PCDHA10: variants seen among roughly 807,000 people sequenced by gnomAD.
The protein encoded by PCDHA10 is protocadherin alpha 10.
In PCDHA10, 45 loss-of-function variants were observed where a neutral mutation model predicts 61.2. The ratio of observed to expected loss-of-function variants is 0.74; its 90% CI spans 0.58 to 0.94. PCDHA10 has a LOEUF of 0.94. PCDHA10 is among the 40% of genes least tolerant of loss of function. PCDHA10 has a pLI of 0.00. For missense variants in PCDHA10, 1,278 were observed against 1,236.2 expected (o/e 1.03, Z -0.51); for synonymous variants, 602 against 548.8 (o/e 1.10, Z -1.35).
intron 3 of PCDHA10, among the ~76,000 whole-genome samples, chr5:140,992,716 G>A (rs1554253146): frequency 6.6e-6 from 1 of 152,160 alleles, no homozygotes; most frequent in African/African-American, 2.4e-5. Flanking sequence ...GCCAGTATTC[G>A]TAAATCCCAC....
At position 140,927,438 on chromosome 5, in the gene PCDHA10, C is replaced by A. The variant is rs1446762816; in HGVS notation, c.2389-51511C>A. ...GATCGCGGGTTGACGGCAGCGAATACCCGGAGTTGGTGTTGGAGAAAGCAC... is the reference window on the plus strand; with the variant it reads ...GATCGCGGGTTGACGGCAGCGAATAACCGGAGTTGGTGTTGGAGAAAGCAC... On this transcript the variant is annotated intron_variant, in intron 1 of 3. Coordinates refer to ENST00000307360, the MANE Select transcript of PCDHA10 (RefSeq NM_018901.4). 3 of 1,614,032 alleles carry A rather than the reference C, an allele frequency of 1.9e-6. No individual in the cohort carries two copies. The Admixed American group carries it at 5.0e-5, about 27-fold the overall frequency.
At chr5:140,882,319 G>A in intron 1 of PCDHA10, 1 of 1,614,136 alleles carries the variant, frequency 6.2e-7, no homozygotes, top group Admixed American at 1.7e-5. Context: ...TACTGCTCTG[G>A]CTTCTGATCC....
At chr5:140,927,045 C>T (rs965998627) in intron 1 of PCDHA10, 8 of 1,612,136 alleles carry the variant, frequency 5.0e-6, no homozygotes, top group African/African-American at 1.3e-5. Flanking sequence ...CCGCTATGTC[C>T]TCGCGGAACT....
intron 1 of PCDHA10, among the ~76,000 whole-genome samples, chr5:140,908,224 C>T (rs2073867832): frequency 6.6e-6 from 1 of 152,160 alleles, no homozygotes; most frequent in Admixed American, 6.5e-5. Flanking sequence ...GTGAACCAGT[C>T]CTTAGTCTTC....
At position 140,856,026 on chromosome 5, in the gene PCDHA10, T is replaced by C; in HGVS notation, c.-23T>C. The C allele has an allele frequency of 6.4e-7, 1 of 1,559,058 alleles. No individual in the cohort carries two copies. The highest frequency in any genetic ancestry group is 8.7e-7 in the Non-Finnish European group (1 of 1,146,626). ...CGTTCTAGACCGCTGATTCGTCGAT[T>C]TGTAAAACAAGAGAAGGATAAGATG... On this transcript the variant is annotated 5_prime_UTR_variant, in exon 1 of 4. Coordinates refer to ENST00000307360, the MANE Select transcript of PCDHA10 (RefSeq NM_018901.4).
intron 3 of PCDHA10, among the ~76,000 whole-genome samples, chr5:141,001,895 G>T (rs1390745542): frequency 3.9e-5 from 6 of 152,208 alleles, no homozygotes; most frequent in Non-Finnish European, 8.8e-5. Context: ...AGAAATCGGG[G>T]CTGTTTGAAA....
chr5:140,962,511 C>T (rs1164554453), intron 1 of PCDHA10, among the ~76,000 whole-genome samples: 1 of 152,106 alleles, frequency 6.6e-6, no homozygotes, highest in Non-Finnish European at 1.5e-5. Flanking sequence ...AGCCAACTAT[C>T]AATAATATAT....
intron 3 of PCDHA10, among the ~76,000 whole-genome samples, chr5:141,004,025 A>G (rs191768123): frequency 1.3e-5 from 2 of 152,316 alleles, no homozygotes; most frequent in Non-Finnish European, 2.9e-5. Context: ...AAGAAGAAAC[A>G]TTTCCTTGAT....
At chr5:140,925,190 A>G (rs2082378036) in intron 1 of PCDHA10, among the ~76,000 whole-genome samples, 1 of 152,192 alleles carries the variant, frequency 6.6e-6, no homozygotes, top group Non-Finnish European at 1.5e-5. Context: ...ACCATCACCC[A>G]GCTTCAATAA....
In PCDHA10 at chr5:140,966,787, A is replaced by C. The variant is rs781920865; in HGVS notation, c.2389-12162A>C. 5.9e-5 allele frequency: 90 copies of C among 1,526,700 alleles called. No homozygotes were observed. Among genetic ancestry groups the C allele is most frequent in the Non-Finnish European group, 7.7e-5 (88 of 1,139,948 alleles). The allele number at this position is 1,526,700 out of a possible 1,614,324, so 94.6% of individuals were successfully genotyped here. On this transcript the variant is annotated intron_variant, in intron 1 of 3. Coordinates refer to ENST00000307360, the MANE Select transcript of PCDHA10 (RefSeq NM_018901.4). ...TGGCTATGGAGCAGGCGGGCACCAG[A>C]CCTGCGGCGACAGAGCATCCACGGC...
rs782733393 is a variant in PCDHA10 at position 140,875,889 on chromosome 5, G to T, written c.2388+17453G>T. The T allele has an allele frequency of 4.8e-5, 78 of 1,614,056 alleles. No homozygotes were observed. The highest frequency in any genetic ancestry group is 5.8e-5 in the Non-Finnish European group (69 of 1,180,042). On this transcript the variant is annotated intron_variant, in intron 1 of 3. Coordinates refer to ENST00000307360, the MANE Select transcript of PCDHA10 (RefSeq NM_018901.4). ...CGGTGTTCAGAGAAAGGGAACAAAA[G>T]GTACCTGTTTCTGAATCTGCGCCTC...
At chr5:140,866,395 T>A (rs1483002508) in intron 1 of PCDHA10, 1 of 152,120 alleles carries the variant, frequency 6.6e-6, no homozygotes, top group Non-Finnish European at 1.5e-5. Context: ...AGACATAGAT[T>A]CCCATGAAAA....
At chr5:140,970,146 C>A (rs1408492600) in intron 1 of PCDHA10, among the ~76,000 whole-genome samples, 3 of 152,156 alleles carry the variant, frequency 2.0e-5, no homozygotes, top group Admixed American at 6.5e-5. Context: ...AAAAAGAATT[C>A]TCCCAATAGT....
intron 1 of PCDHA10, among the ~76,000 whole-genome samples, chr5:140,960,972 T>C (rs936519951): frequency 6.6e-6 from 1 of 152,188 alleles, no homozygotes; most frequent in South Asian, 2.1e-4. Flanking sequence ...GCAGTTGCAA[T>C]TCTTGTTCCA....
At chr5:140,982,795 AT>A (rs2097005249) in intron 3 of PCDHA10, among the ~76,000 whole-genome samples, 1 of 151,516 alleles carries the variant, frequency 6.6e-6, no homozygotes, top group African/African-American at 2.4e-5. Flanking sequence ...GCATGTGTGC[AT>A]GTGTGTGTGT....
At position 141,001,385 on chromosome 5, in the gene PCDHA10, T is replaced by A. The variant is rs540420313; in HGVS notation, c.2537-8242T>A. 3.9e-5 allele frequency among the ~76,000 whole-genome samples: 6 copies of A among 152,316 alleles called. No homozygotes were observed. The East Asian group carries it at 1.2e-3, about 29-fold the overall frequency. ...ACTATTCTGATTACAGAGCCTAAGA[T>A]CCTACAGAGAACAGGGAGTATATTT... On this transcript the variant is annotated intron_variant, in intron 3 of 3. Transcript: ENST00000307360.
chr5:140,964,747 G>C (rs1170890203), intron 1 of PCDHA10, among the ~76,000 whole-genome samples: 3 of 151,868 alleles, frequency 2.0e-5, no homozygotes, highest in Non-Finnish European at 4.4e-5. Context: ...AATTATTGTA[G>C]GGATGTTTGG....
rs148631412 is a variant in PCDHA10, at chr5:140,929,183, C to T, written c.2389-49766C>T. On this transcript the variant is annotated intron_variant, in intron 1 of 3. Transcript: ENST00000307360. ...TATCGGGCCTCTCTGGGACTTGGTT[C>T]TGATAATAACAGTTTGCTGTTGCGT... is the stretch of plus-strand genomic sequence containing the variant. 62 of 1,614,144 alleles carry T rather than the reference C, an allele frequency of 3.8e-5. No individual in the cohort carries two copies. The highest frequency in any genetic ancestry group is 4.8e-5 in the Non-Finnish European group (57 of 1,180,012).
intron 3 of PCDHA10, among the ~76,000 whole-genome samples, chr5:140,985,476 T>C (rs1554247100): frequency 6.6e-6 from 1 of 152,162 alleles, no homozygotes; most frequent in Admixed American, 6.6e-5. Flanking sequence ...ATTTGGTTGT[T>C]TCCAGACTCA....
Sources: allele counts gnomAD v4.1 joint callset (sites outside exome capture counted in the v4.1 genomes callset), GRCh38; gene constraint gnomAD v4.1.1; transcripts MANE v1.5; gene names NCBI Gene and HGNC (gene_info 2026-07-23, HGNC 2026-07-21).